The following ANXA5 variants were observed in gnomAD, a reference collection of about 807,000 sequenced individuals.
ANXA5 encodes the protein annexin A5, also known as CBP-I.
A neutral mutation model predicts 48.1 loss-of-function variants in ANXA5; 40 were observed. That is an observed-to-expected ratio of 0.83 (90% confidence interval 0.65 to 1.08). The LOEUF (loss-of-function observed/expected upper bound fraction) is 1.08, where lower values mean the gene tolerates loss of function less well. Ranked by LOEUF, ANXA5 falls within the 50% of genes least tolerant of loss-of-function variation. The pLI is 0.00. For synonymous variants in ANXA5, 113 were observed against 129.1 expected (o/e 0.88, Z 0.85); for missense variants, 357 against 376.8 (o/e 0.95, Z 0.44).
At position 121,668,386 on chromosome 4, in the gene ANXA5, G is replaced by C. The variant is rs1209558686; in HGVS notation, c.*82C>G. ...GAATAAGGCAATGTGTTAAGCACTG[G>C]CATACAAATGCAGCTAAAGGTGCTG... On this transcript the variant is annotated 3_prime_UTR_variant, in exon 13 of 13. Coordinates refer to ENST00000296511, the MANE Select transcript of ANXA5 (RefSeq NM_001154.4). 1 of 1,196,874 alleles carries C rather than the reference G, an allele frequency of 8.4e-7. No individual in the cohort carries two copies. Among genetic ancestry groups the C allele is most frequent in the Non-Finnish European group, 1.2e-6 (1 of 802,056 alleles). The allele number at this position is 1,196,874 out of a possible 1,614,324, so 74.1% of individuals were successfully genotyped here. A position where few individuals can be genotyped will look rare whatever the true frequency, so the allele number is the denominator to read the frequency against.
intron 6 of ANXA5, among the ~76,000 whole-genome samples, chr4:121,680,762 T>C (rs1390611430): frequency 6.6e-6 from 1 of 152,220 alleles, no homozygotes; most frequent in African/African-American, 2.4e-5. Context: ...AAGTTCAAAG[T>C]TGAGATACAT....
Position 121,672,542 on chromosome 4 carries a change from A to G in ANXA5, c.616T>C (p.Leu206=). 6.2e-7 allele frequency: 1 copy of G among 1,613,380 alleles called. No individual in the cohort carries two copies. ...GATTTTTTTCACTCACCCTTTCTCA[A>G]ATGAGACACACTTCGTGTTCCAAAG... ...TIFGTRSVSH[L]RKVFDKYMTI... is the part of the protein sequence containing the mutation. The change falls in exon 9 of 13, where the codon TTG becomes CTG. Residue 206 remains leucine (L), a synonymous_variant. Transcript: ENST00000296511.
chr4:121,676,125 G>C (rs115002789), intron 8 of ANXA5, among the ~76,000 whole-genome samples: 10 of 152,112 alleles, frequency 6.6e-5, no homozygotes, highest in African/African-American at 2.4e-4. Flanking sequence ...CTATCTCCTA[G>C]CAAAGCCACA....
Position 121,694,965 on chromosome 4 carries a change from T to C in ANXA5, c.9+1616A>G, listed in dbSNP as rs903530910. On this transcript the variant is annotated intron_variant, in intron 2 of 12. Coordinates refer to ENST00000296511, the MANE Select transcript of ANXA5 (RefSeq NM_001154.4). ...AATTATTAAAATTAATGTCCACAAC[T>C]GGAAAATATGTTCGCTTATACTATT... Among the ~76,000 whole-genome samples the C allele has an allele frequency of 2.6e-5, 4 of 152,198 alleles. No individual in the cohort carries two copies. In the South Asian group the frequency reaches 8.3e-4, roughly 31 times the overall value.
chr4:121,671,788 T>C (rs1179690757), intron 9 of ANXA5, 146 bp from the exon 10 acceptor site: 1 of 628,172 alleles, frequency 1.6e-6, no homozygotes, highest in Non-Finnish European at 2.8e-6. Context: ...AGCCTCAATG[T>C]GCCAAGCCCT....
chr4:121,685,222 T>A (rs1724865540), intron 3 of ANXA5, among the ~76,000 whole-genome samples: 2 of 152,240 alleles, frequency 1.3e-5, no homozygotes, highest in East Asian at 3.9e-4. Context: ...GAAAAATACT[T>A]CTGCCTTTTA....
intron 3 of ANXA5, among the ~76,000 whole-genome samples, chr4:121,686,011 C>T (rs1273706617): frequency 4.9e-5 from 7 of 142,436 alleles, no homozygotes; most frequent in Middle Eastern, 7.3e-3. Context: ...TTTCTGAAAA[C>T]ATTATGAAAT....
At position 121,681,590 on chromosome 4, in the gene ANXA5, T is replaced by A. The variant is rs1015777368; in HGVS notation, c.394+81A>T. On this transcript the variant is annotated intron_variant, in intron 6 of 12. Coordinates refer to ENST00000296511, the MANE Select transcript of ANXA5 (RefSeq NM_001154.4). ...TCATTTACTGCGTGCCTCCCATACCTACAAAGGACTGCATTCAAATCACAG... is the reference window on the plus strand; with the variant it reads ...TCATTTACTGCGTGCCTCCCATACCAACAAAGGACTGCATTCAAATCACAG... 4.4e-6 allele frequency: 4 copies of A among 918,572 alleles called. No homozygotes were observed. The African/African-American group carries it at 6.6e-5, about 15-fold the overall frequency. 56.9% of individuals were successfully genotyped at this position (918,572 alleles called of 1,614,324 possible).
intron 2 of ANXA5, among the ~76,000 whole-genome samples, chr4:121,688,222 T>C (rs1349275381): frequency 6.6e-6 from 1 of 152,084 alleles, no homozygotes; most frequent in Non-Finnish European, 1.5e-5. Flanking sequence ...CTTTGAGAAA[T>C]GAATTTCCTT....
At position 121,678,579 on chromosome 4, in the gene ANXA5, T is replaced by A. The variant is rs536268036; in HGVS notation, c.395-85A>T. The A allele has an allele frequency of 1.5e-5, 16 of 1,101,668 alleles. No individual in the cohort carries two copies. In the Admixed American group the frequency reaches 2.1e-4, roughly 14 times the overall value. The allele number at this position is 1,101,668 out of a possible 1,614,324, so 68.2% of individuals were successfully genotyped here. ...CCCCATTAATCAAATGAAAGCGATGTAAAAGAAGAAATAATTATATTTGGT... is the reference window on the plus strand; with the variant it reads ...CCCCATTAATCAAATGAAAGCGATGAAAAAGAAGAAATAATTATATTTGGT... On this transcript the variant is annotated intron_variant, in intron 6 of 12. Transcript: ENST00000296511.
intron 2 of ANXA5, among the ~76,000 whole-genome samples, chr4:121,691,125 T>C (rs1412644707): frequency 6.6e-6 from 1 of 152,150 alleles, no homozygotes; most frequent in Admixed American, 6.5e-5. Flanking sequence ...CCTCAGTTCA[T>C]CCTCAATTCC....
At position 121,667,952 on chromosome 4, in the gene ANXA5, G is replaced by A. The variant is rs1724547585; in HGVS notation, c.*516C>T. 1 of 152,154 alleles carries A rather than the reference G, an allele frequency of 6.6e-6. No individual in the cohort carries two copies. Among genetic ancestry groups the A allele is most frequent in the Admixed American group, 6.6e-5 (1 of 15,264 alleles). The allele number at this position is 152,154 out of a possible 1,614,324, so 9.4% of individuals were successfully genotyped here. ...TATTAGCTTAAAAAGAGAGAACATT[G>A]TTAAATAAATTTAATAATAAATCTA... is the stretch of plus-strand genomic sequence containing the variant. On this transcript the variant is annotated 3_prime_UTR_variant, in exon 13 of 13. Transcript: ENST00000296511.
intron 2 of ANXA5, among the ~76,000 whole-genome samples, chr4:121,688,307 A>G (rs1451372629): frequency 2.6e-5 from 4 of 151,972 alleles, no homozygotes; most frequent in Admixed American, 6.6e-5. Flanking sequence ...TATCTGATCA[A>G]TTTCCTCATC....
intron 6 of ANXA5, among the ~76,000 whole-genome samples, chr4:121,680,627 G>A (rs1003547591): frequency 1.2e-4 from 19 of 152,172 alleles, no homozygotes; most frequent in African/African-American, 4.6e-4. Flanking sequence ...TCAATTACAC[G>A]GCTGAGTAGG....
chr4:121,694,109 GA>G (rs754496891), intron 2 of ANXA5, among the ~76,000 whole-genome samples: 53,324 of 123,084 alleles, frequency 0.43, 13,697 homozygotes, highest in African/African-American at 0.53. Flanking sequence ...GGGCGGGGGG[GA>G]GGGGGGAGGG....
chr4:121,688,899 G>A (rs150498422), intron 2 of ANXA5, among the ~76,000 whole-genome samples: 1 of 152,106 alleles, frequency 6.6e-6, no homozygotes, highest in Non-Finnish European at 1.5e-5. Context: ...CACTTGTCTC[G>A]TGGAGAGGTT....
At chr4:121,670,086 C>A in intron 10 of ANXA5, 74 bp from the exon 11 acceptor site, 1 of 1,044,920 alleles carries the variant, frequency 9.6e-7, no homozygotes. Context: ...AAATCAAGTG[C>A]TGCTTCCTGC....
chr4:121,681,821 A>C (rs1014708525), intron 5 of ANXA5, 60 bp from the exon 6 acceptor site: 5 of 1,236,966 alleles, frequency 4.0e-6, no homozygotes, highest in Non-Finnish European at 4.7e-6. Flanking sequence ...AGTTATTAAA[A>C]GAAAGTTATA....
At chr4:121,685,403 C>T (rs1444811608) in intron 3 of ANXA5, among the ~76,000 whole-genome samples, 1 of 152,036 alleles carries the variant, frequency 6.6e-6, no homozygotes, top group Non-Finnish European at 1.5e-5. Context: ...GAGAAGGTGA[C>T]ACCCACAAGT....
Sources: allele counts gnomAD v4.1 joint callset (sites outside exome capture counted in the v4.1 genomes callset), GRCh38; gene constraint gnomAD v4.1.1; transcripts MANE v1.5; gene names NCBI Gene and HGNC (gene_info 2026-07-23, HGNC 2026-07-21).